The following TAF1C variants were observed in gnomAD, a reference collection of about 807,000 sequenced individuals.
TAF1C encodes the protein TATA-box binding protein associated factor, RNA polymerase I subunit C, also known as TATA box-binding protein-associated factor RNA polymerase I subunit C.
TAF1C carries 79 observed loss-of-function variants against 70.5 expected under a neutral mutation model. The ratio of observed to expected loss-of-function variants is 1.12; its 90% CI spans 0.93 to 1.35. TAF1C has a LOEUF of 1.35. TAF1C is among the 40% of genes most tolerant of loss of function. TAF1C has a pLI of 0.00. For missense variants in TAF1C, 1,412 were observed against 1,127.8 expected (o/e 1.25, Z -3.61); for synonymous variants, 614 against 491.1 (o/e 1.25, Z -3.31).
In TAF1C at chr16:84,181,166, C is replaced by A; in HGVS notation, c.1185G>T (p.Leu395=). Reference sequence around the variant, plus strand: ...CCTCTGCCCCCAAACGAAAAAGCAACAGACCACAGCCCGGCGGGCCCTGGA... The same window carrying A: ...CCTCTGCCCCCAAACGAAAAAGCAAAAGACCACAGCCCGGCGGGCCCTGGA... ...LDTQGPPGCG[L]LLFRLGAEAS... The change falls in exon 12 of 15, where the codon CTG becomes CTT. Residue 395 remains leucine (L), a synonymous_variant. Transcript: ENST00000566732. 6.2e-7 allele frequency: 1 copy of A among 1,610,240 alleles called. No homozygotes were observed. The highest frequency in any genetic ancestry group is 8.5e-7 in the Non-Finnish European group (1 of 1,176,882).
rs771724397 is a variant in TAF1C at position 84,181,586 on chromosome 16, C to T, written c.1028+6G>A. ...GGGTGGGGGGTTTCACAGGAAGCGGCGATACCCATCCTCAGGGCTCCACAG... is the reference window on the plus strand; with the variant it reads ...GGGTGGGGGGTTTCACAGGAAGCGGTGATACCCATCCTCAGGGCTCCACAG... On this transcript the variant is annotated splice_donor_region_variant and intron_variant, in intron 10 of 14. Transcript: ENST00000566732. 2.4e-5 allele frequency: 39 copies of T among 1,613,736 alleles called. No individual in the cohort carries two copies. The highest frequency in any genetic ancestry group is 2.6e-5 in the Non-Finnish European group (31 of 1,179,978).
At position 84,180,238 on chromosome 16, in the gene TAF1C, C is replaced by T. The variant is rs756001494; in HGVS notation, c.1415G>A (p.Arg472Gln). Residue 472 changes from arginine to glutamine, a missense_variant, in exon 13 of 15, where the codon CGG (arginine) becomes CAG (glutamine). Transcript: ENST00000566732. ...LLLARLLPPP[R>Q]PSCVQPLLLG... is the part of the protein sequence containing the mutation. ...GAGCAGGGGCTGCACGCAGCTGGGC[C>T]GGGGCGGAGGCAGCAGTCGGGCCAG... The T allele has an allele frequency of 1.2e-4, 181 of 1,538,550 alleles. No individual in the cohort carries two copies. The highest frequency in any genetic ancestry group is 1.7e-4 in the Middle Eastern group (1 of 5,874).
chr16:84,178,776 T>G lies in TAF1C; in HGVS notation c.*165A>C, dbSNP rs1473339271. 2 of 672,454 alleles carry G rather than the reference T, an allele frequency of 3.0e-6. No homozygotes were observed. Among genetic ancestry groups the G allele is most frequent in the East Asian group, 5.5e-5 (2 of 36,652 alleles). The allele number at this position is 672,454 out of a possible 1,614,324, so 41.7% of individuals were successfully genotyped here. A position where few individuals can be genotyped will look rare whatever the true frequency, so the allele number is the denominator to read the frequency against. On this transcript the variant is annotated 3_prime_UTR_variant, in exon 15 of 15. Transcript: ENST00000566732. ...AAAAGAAACTACTACTGTATTTTGT[T>G]GCCCTGTCCCTTCAACTTGGCTCCA...
At chr16:84,183,887 C>T in intron 2 of TAF1C, 109 bp from the exon 3 acceptor site, 2 of 783,164 alleles carry the variant, frequency 2.6e-6, no homozygotes, top group East Asian at 2.7e-5. Context: ...CACAACAATC[C>T]TGCGAAGCTG....
chr16:84,180,073 C>T lies in TAF1C; in HGVS notation c.1494G>A (p.Ala498=), dbSNP rs776417744. 23 of 1,597,358 alleles carry T rather than the reference C, an allele frequency of 1.4e-5. No individual in the cohort carries two copies. The highest frequency in any genetic ancestry group is 1.2e-4 in the Admixed American group (7 of 57,846). The part of the protein sequence containing the change: ...LQLLHLAGEG[A]SVPRLAGPPQ... ...GGGGGCCTGCCAGGCGGGGCACCGA[C>T]GCCCCTTCTCCTGAGGAAGGACAGA... The change falls in exon 14 of 15, where the codon GCG becomes GCA. Residue 498 remains alanine (A), a synonymous_variant. Coordinates refer to ENST00000566732, the MANE Select transcript of TAF1C (RefSeq NM_001243156.2).
In TAF1C at chr16:84,181,141, C is replaced by G; in HGVS notation, c.1210G>C (p.Ala404Pro). The G allele has an allele frequency of 1.2e-6, 2 of 1,612,368 alleles. No homozygotes were observed. Among genetic ancestry groups the G allele is most frequent in the Non-Finnish European group, 1.7e-6 (2 of 1,178,624 alleles). The stretch of plus-strand genomic sequence containing the variant: ...ACACGTTCCCCTTTCTGGCACGAAG[C>G]CTCTGCCCCCAAACGAAAAAGCAAC... The part of the protein sequence containing the change: ...GLLLFRLGAE[A>P]SCQKGERVLL... The change falls in exon 12 of 15, where the codon GCT becomes CCT. Residue 404 changes from alanine to proline, a missense_variant. Transcript: ENST00000566732.
Position 84,178,066 on chromosome 16 carries a change from T to G in TAF1C, c.*875A>C, listed in dbSNP as rs1379631190. The G allele has an allele frequency of 3.8e-6, 2 of 525,920 alleles. No homozygotes were observed. The highest frequency in any genetic ancestry group is 7.0e-6 in the Non-Finnish European group (2 of 286,026). The allele number at this position is 525,920 out of a possible 1,614,324, so 32.6% of individuals were successfully genotyped here. A position where few individuals can be genotyped will look rare whatever the true frequency, so the allele number is the denominator to read the frequency against. On this transcript the variant is annotated 3_prime_UTR_variant, in exon 15 of 15. Transcript: ENST00000566732. The stretch of plus-strand genomic sequence containing the variant: ...TCCCTGCAAAATCTCAAGTGAGCAT[T>G]TTCCCCACAGGAAAACAGAATCTTC...
chr16:84,180,271 G>T lies in TAF1C; in HGVS notation c.1382C>A (p.Pro461Gln), dbSNP rs556028031. 6.5e-6 allele frequency: 10 copies of T among 1,548,844 alleles called. No individual in the cohort carries two copies. The highest frequency in any genetic ancestry group is 1.4e-5 in the African/African-American group (1 of 72,916). Residue 461 changes from proline (P) to glutamine (Q), a missense_variant, in exon 13 of 15, where the codon CCG becomes CAG. Transcript: ENST00000566732. ...MLKWNHGLPS[P>Q]LLLARLLPPP... The stretch of plus-strand genomic sequence containing the variant: ...AGGCAGCAGTCGGGCCAGCAGGAGC[G>T]GGGAGGGGAGGCCATGGTTCCACTT...
rs1193829556 is a variant in TAF1C at position 84,178,901 on chromosome 16, AGGGGCTCTCTG to A, written c.*29_*39del. ...CACATCTGGTCCCAGAGGAAGGATG[AGGGGCTCTCTG>A]GGGCTTGAGGGCAGCCCACCTTGTG... On this transcript the variant is annotated 3_prime_UTR_variant, in exon 15 of 15. Coordinates refer to ENST00000566732, the MANE Select transcript of TAF1C (RefSeq NM_001243156.2). 3 of 1,531,956 alleles carry A rather than the reference AGGGGCTCTCTG, an allele frequency of 2.0e-6. No individual in the cohort carries two copies. The highest frequency in any genetic ancestry group is 2.6e-6 in the Non-Finnish European group (3 of 1,143,590). 94.9% of individuals were successfully genotyped at this position (1,531,956 alleles called of 1,614,324 possible).
Position 84,179,529 on chromosome 16 carries a change from C to T in TAF1C, c.1944G>A (p.Glu648=). ...GGAGCACACCCAGCCGCTGCCCTTC[C>T]TCTTCCTCCCTCCGCAGCTCTGTGC... ...LGSTELRREE[E]EGQRLGVLRK... is the part of the protein sequence containing the mutation. Residue 648 remains glutamate, a synonymous_variant, in exon 15 of 15, where the codon GAG becomes GAA. Coordinates refer to ENST00000566732, the MANE Select transcript of TAF1C (RefSeq NM_001243156.2). The T allele has an allele frequency of 1.9e-6, 3 of 1,606,952 alleles. No homozygotes were observed. Among genetic ancestry groups the T allele is most frequent in the Non-Finnish European group, 1.7e-6 (2 of 1,176,418 alleles).
chr16:84,183,888 T>C, intron 2 of TAF1C, 110 bp from the exon 3 acceptor site: 1 of 777,182 alleles, frequency 1.3e-6, no homozygotes, highest in African/African-American at 1.7e-5. Context: ...ACAACAATCC[T>C]GCGAAGCTGG....
chr16:84,181,481 G>T lies in TAF1C; in HGVS notation c.1029-18C>A, dbSNP rs2089188109. On this transcript the variant is annotated intron_variant, in intron 10 of 14. Transcript: ENST00000566732. ...GCCGCAGCCTTGGGGAGACAGGCAA[G>T]CCGTGGGCAGGGGGACAGGCTGATG... 1.9e-6 allele frequency: 3 copies of T among 1,613,588 alleles called. No individual in the cohort carries two copies. The highest frequency in any genetic ancestry group is 1.7e-6 in the Non-Finnish European group (2 of 1,179,952).
rs1399310731 is a variant in TAF1C at position 84,181,660 on chromosome 16, A to C, written c.960T>G (p.Pro320=). The C allele has an allele frequency of 6.2e-7, 1 of 1,613,936 alleles. No homozygotes were observed. Among genetic ancestry groups the C allele is most frequent in the Non-Finnish European group, 8.5e-7 (1 of 1,179,990 alleles). ...EKGATGISLS[P]HLPGELAICS... is the part of the protein sequence containing the mutation. Reference sequence around the variant, plus strand: ...AGATGGCCAGCTCCCCGGGCAGGTGAGGGCTACAGGGCAGGAATGCATTCA... The same window carrying C: ...AGATGGCCAGCTCCCCGGGCAGGTGCGGGCTACAGGGCAGGAATGCATTCA... The change falls in exon 10 of 15, where the codon CCT becomes CCG. Residue 320 remains proline (P), a synonymous_variant. Transcript: ENST00000566732.
rs2088848931 is a variant in TAF1C, at chr16:84,178,162, G to T, written c.*779C>A. On this transcript the variant is annotated 3_prime_UTR_variant, in exon 15 of 15. Coordinates refer to ENST00000566732, the MANE Select transcript of TAF1C (RefSeq NM_001243156.2). ...GACATCAAAATGAGAAGGGGAGGGAGGAAAGAAAGGGGGGAGTCTGTGAGG... is the reference window on the plus strand; with the variant it reads ...GACATCAAAATGAGAAGGGGAGGGATGAAAGAAAGGGGGGAGTCTGTGAGG... The T allele has an allele frequency of 2.6e-6, 1 of 383,366 alleles. No individual in the cohort carries two copies. Among genetic ancestry groups the T allele is most frequent in the Admixed American group, 3.5e-5 (1 of 28,868 alleles). 23.7% of individuals were successfully genotyped at this position (383,366 alleles called of 1,614,324 possible). A position where few individuals can be genotyped will look rare whatever the true frequency, so the allele number is the denominator to read the frequency against.
chr16:84,179,569 C>A lies in TAF1C; in HGVS notation c.1904G>T (p.Arg635Leu). ...PVWTAPTFTH[R>L]QMLGSTELRR... Reference sequence around the variant, plus strand: ...CAGCTCTGTGCTGCCCAGCATCTGGCGGTGGGTGAAGGTGGGTGCTGTCCA... The same window carrying A: ...CAGCTCTGTGCTGCCCAGCATCTGGAGGTGGGTGAAGGTGGGTGCTGTCCA... The change falls in exon 15 of 15, where the codon CGC (arginine) becomes CTC (leucine). Residue 635 changes from arginine (R) to leucine (L), a missense_variant. By Grantham distance (102) the Arg-to-Leu change is moderately radical. Transcript: ENST00000566732. 2 of 1,612,546 alleles carry A rather than the reference C, an allele frequency of 1.2e-6. No individual in the cohort carries two copies. Among genetic ancestry groups the A allele is most frequent in the Non-Finnish European group, 1.7e-6 (2 of 1,179,864 alleles).
At position 84,177,957 on chromosome 16, in the gene TAF1C, TGA is replaced by T. The variant is rs1175397704; in HGVS notation, c.*982_*983del. 1 of 867,020 alleles carries T rather than the reference TGA, an allele frequency of 1.2e-6. No homozygotes were observed. Among genetic ancestry groups the T allele is most frequent in the East Asian group, 2.6e-5 (1 of 37,990 alleles). 53.7% of individuals were successfully genotyped at this position (867,020 alleles called of 1,614,324 possible). On this transcript the variant is annotated 3_prime_UTR_variant, in exon 15 of 15. Coordinates refer to ENST00000566732, the MANE Select transcript of TAF1C (RefSeq NM_001243156.2). ...ATGATTGGGCTAGCTCCTGTTTGTG[TGA>T]GTCACATGCAATTCCTTTCACCAGC...
chr16:84,179,969 T>C lies in TAF1C; in HGVS notation c.1598A>G (p.Glu533Gly), dbSNP rs753773560. Reference sequence around the variant, plus strand: ...ACCTATGGTCGGTGCTTTCAGGCGCTCCTGCAGCCGCCACTGGATCTTAGG... The same window carrying C: ...ACCTATGGTCGGTGCTTTCAGGCGCCCCTGCAGCCGCCACTGGATCTTAGG... ...LEPKIQWRLQ[E>G]RLKAPTIGLA... Residue 533 changes from glutamate (E) to glycine (G), a missense_variant, in exon 14 of 15, where the codon GAG (glutamate) becomes GGG (glycine). Physicochemically the swap from Glu to Gly is moderately conservative, Grantham distance 98. Coordinates refer to ENST00000566732, the MANE Select transcript of TAF1C (RefSeq NM_001243156.2). 2.1e-5 allele frequency: 34 copies of C among 1,611,958 alleles called. No homozygotes were observed. Among genetic ancestry groups the C allele is most frequent in the Non-Finnish European group, 2.9e-5 (34 of 1,179,832 alleles).
chr16:84,182,098 A>C lies in TAF1C; in HGVS notation c.722-40T>G. 1 of 1,598,320 alleles carries C rather than the reference A, an allele frequency of 6.3e-7. No homozygotes were observed. Among genetic ancestry groups the C allele is most frequent in the Non-Finnish European group, 8.5e-7 (1 of 1,170,598 alleles). ...AAGGATCAGTGCACGAGCTATGATC[A>C]CTGCAAGCCCCCCAAATTCCTGCCC... is the stretch of plus-strand genomic sequence containing the variant. On this transcript the variant is annotated intron_variant, in intron 7 of 14. Transcript: ENST00000566732. This position sits in a 1 kb window ranked among gnomAD's most constrained non-coding sequence, Gnocchi z 5.0.
At chr16:84,183,529 G>T in intron 3 of TAF1C, 22 bp from the exon 4 acceptor site, 1 of 1,595,440 alleles carries the variant, frequency 6.3e-7, no homozygotes, top group Non-Finnish European at 8.5e-7. Flanking sequence ...GTTACGGAAA[G>T]GGCTGGGGAG....
Sources: allele counts gnomAD v4.1 joint callset, GRCh38; gene constraint gnomAD v4.1.1; non-coding constraint Gnocchi (gnomAD v3.1); transcripts MANE v1.5; gene names NCBI Gene and HGNC (gene_info 2026-07-23, HGNC 2026-07-21).